The following ARHGAP6 variants were observed in gnomAD, a reference collection of about 807,000 sequenced individuals.
ARHGAP6 encodes rho GTPase-activating protein 6.
In ARHGAP6, 16 loss-of-function variants were observed where a neutral mutation model predicts 55.7. The observed-to-expected ratio is 0.29, with a 90% CI of 0.19 to 0.44. ARHGAP6 has a LOEUF of 0.44. Ranked by LOEUF, ARHGAP6 falls within the 20% of genes least tolerant of loss-of-function variation. The pLI is 1.00. For missense variants in ARHGAP6, 698 were observed against 808.9 expected, an observed-to-expected ratio of 0.86 and a Z score of 1.66; for synonymous variants, 382 against 360.9, an observed-to-expected ratio of 1.06 and a Z score of -0.66.
intron 10 of ARHGAP6, among the ~76,000 whole-genome samples, chrX:11,146,328 A>G (rs1007740194): frequency 8.9e-5 from 10 of 112,304 alleles, no homozygotes; most frequent in African/African-American, 3.2e-4. Context: ...ATCAGGGAGG[A>G]AACAGTGGGG....
chrX:11,194,731 G>T (rs935324353), intron 3 of ARHGAP6, among the ~76,000 whole-genome samples: 1 of 111,683 alleles, frequency 9.0e-6, no homozygotes, highest in Non-Finnish European at 1.9e-5. Flanking sequence ...TCCAAAGGAA[G>T]TAAAACAATG....
At chrX:11,435,023 C>A (rs1426160179) in intron 1 of ARHGAP6, among the ~76,000 whole-genome samples, 1 of 111,986 alleles carries the variant, frequency 8.9e-6, no homozygotes, top group Non-Finnish European at 1.9e-5. Flanking sequence ...CAGCCAGGGG[C>A]AGATTTGCCC....
chrX:11,609,317 G>A (rs1201142236), intron 1 of ARHGAP6, among the ~76,000 whole-genome samples: 1 of 111,621 alleles, frequency 9.0e-6, no homozygotes, highest in Admixed American at 9.5e-5. Flanking sequence ...AGATGAATAG[G>A]TTCCTGCTAT....
chrX:11,209,334 G>A (rs1161430402), intron 2 of ARHGAP6, among the ~76,000 whole-genome samples: 2 of 111,115 alleles, frequency 1.8e-5, no homozygotes, highest in African/African-American at 6.6e-5. Context: ...TGGGAGAGAT[G>A]GGGTTTCGCC....
intron 1 of ARHGAP6, among the ~76,000 whole-genome samples, chrX:11,372,874 G>T (rs1471806208): frequency 9.3e-6 from 1 of 107,988 alleles, no homozygotes; most frequent in Non-Finnish European, 1.9e-5. Context: ...AAAGGTTAAG[G>T]AAAGACTTTG....
At chrX:11,497,920 C>T (rs1381285018) in intron 1 of ARHGAP6, among the ~76,000 whole-genome samples, 1 of 110,682 alleles carries the variant, frequency 9.0e-6, no homozygotes, top group Non-Finnish European at 1.9e-5. Flanking sequence ...GTATAATCCC[C>T]AAAGTTGTGC....
At chrX:11,367,734 T>C (rs962685511) in intron 1 of ARHGAP6, 32 of 720,630 alleles carry the variant, frequency 4.4e-5, no homozygotes, top group Non-Finnish European at 5.2e-5. Flanking sequence ...GGCTGGCTAA[T>C]GAATCACCCA....
intron 1 of ARHGAP6, among the ~76,000 whole-genome samples, chrX:11,369,987 G>T (rs2049126373): frequency 8.9e-6 from 1 of 112,531 alleles, no homozygotes; most frequent in African/African-American, 3.2e-5. Flanking sequence ...GGCAATTAAT[G>T]CCAATTCATA....
intron 6 of ARHGAP6, 82 bp from the exon 7 acceptor site, chrX:11,179,534 C>T (rs982523155): frequency 2.9e-5 from 32 of 1,088,159 alleles, no homozygotes; most frequent in Middle Eastern, 3.6e-4. Context: ...TGCTGTGACA[C>T]GTAGCATCTG....
chrX:11,232,639 G>A (rs1159012363), intron 2 of ARHGAP6, among the ~76,000 whole-genome samples: 2 of 110,718 alleles, frequency 1.8e-5, no homozygotes, highest in Admixed American at 9.6e-5. Context: ...TCTCAAAAAG[G>A]AACAAAAAAA....
At chrX:11,592,163 T>C (rs994638241) in intron 1 of ARHGAP6, among the ~76,000 whole-genome samples, 4 of 111,712 alleles carry the variant, frequency 3.6e-5, no homozygotes, top group African/African-American at 1.3e-4. Flanking sequence ...AGGAGGAAGA[T>C]GGGGGAAGGG....
chrX:11,455,561 A>G (rs1339790206), intron 1 of ARHGAP6, among the ~76,000 whole-genome samples: 1 of 112,402 alleles, frequency 8.9e-6, no homozygotes, highest in African/African-American at 3.2e-5. Context: ...AAAAATAAAA[A>G]GGAGTCTGTA....
chrX:11,356,086 C>T (rs2048927107), intron 1 of ARHGAP6, among the ~76,000 whole-genome samples: 2 of 111,224 alleles, frequency 1.8e-5, no homozygotes, highest in Non-Finnish European at 3.8e-5. Flanking sequence ...AGGCACTAGG[C>T]AGCAGCTTTA....
At chrX:11,547,662 C>A (rs1392235715) in intron 1 of ARHGAP6, among the ~76,000 whole-genome samples, 1 of 111,790 alleles carries the variant, frequency 8.9e-6, no homozygotes, top group African/African-American at 3.3e-5. Flanking sequence ...GAAAGCCACC[C>A]AGCATATTTT....
chrX:11,577,062 C>T (rs2051607739), intron 1 of ARHGAP6, among the ~76,000 whole-genome samples: 1 of 112,199 alleles, frequency 8.9e-6, no homozygotes, highest in Non-Finnish European at 1.9e-5. Context: ...CCTATGAGAG[C>T]CCTTGTGATT....
At chrX:11,415,393 A>G (rs145362392) in intron 1 of ARHGAP6, among the ~76,000 whole-genome samples, 33 of 112,198 alleles carry the variant, frequency 2.9e-4, no homozygotes, top group Non-Finnish European at 5.6e-4. Flanking sequence ...TGCTTTTGTC[A>G]TTTAATTGGG....
chrX:11,385,321 T>C (rs2049315781), intron 1 of ARHGAP6, among the ~76,000 whole-genome samples: 1 of 112,004 alleles, frequency 8.9e-6, no homozygotes, highest in Admixed American at 9.5e-5. Context: ...GCTAATTCTA[T>C]GCTAATAGTG....
At chrX:11,290,357 TC>T in intron 1 of ARHGAP6, 1 of 353,819 alleles carries the variant, frequency 2.8e-6, no homozygotes, top group Non-Finnish European at 5.5e-6. Flanking sequence ...ACCAAGGAGC[TC>T]CCAAGAAAGT....
At chrX:11,147,674 A>T (rs1431888136) in intron 10 of ARHGAP6, among the ~76,000 whole-genome samples, 1 of 113,078 alleles carries the variant, frequency 8.8e-6, no homozygotes, top group Non-Finnish European at 1.9e-5. Context: ...TTTATAAATC[A>T]GGTAAAATCT....
Sources: allele counts gnomAD v4.1 joint callset (sites outside exome capture counted in the v4.1 genomes callset), GRCh38; gene constraint gnomAD v4.1.1; transcripts MANE v1.5; gene names NCBI Gene and HGNC (gene_info 2026-07-23, HGNC 2026-07-21).